The following CILK1 variants were observed in gnomAD, a reference collection of about 807,000 sequenced individuals.
CILK1 encodes the protein ciliogenesis associated kinase 1.
A neutral mutation model predicts 79.2 loss-of-function variants in CILK1; 47 were observed. The ratio of observed to expected loss-of-function variants is 0.59; its 90% CI spans 0.47 to 0.76. CILK1 has a LOEUF of 0.76. Ranked by LOEUF, CILK1 falls within the 30% of genes least tolerant of loss-of-function variation. The pLI, the probability that CILK1 is intolerant of heterozygous loss-of-function variation, is 0.00. For missense variants in CILK1, 660 were observed against 769.5 expected, an observed-to-expected ratio of 0.86 and a Z score of 1.68; for synonymous variants, 266 against 275.9, an observed-to-expected ratio of 0.96 and a Z score of 0.36.
intron 1 of CILK1, among the ~76,000 whole-genome samples, chr6:53,046,486 A>T (rs1367364870): frequency 2.6e-5 from 4 of 152,354 alleles, no homozygotes; most frequent in Non-Finnish European, 5.9e-5. Context: ...TGGGTCATTC[A>T]TTCAATGCAC....
At chr6:53,044,429 T>C (rs1050581262) in intron 1 of CILK1, among the ~76,000 whole-genome samples, 3 of 152,184 alleles carry the variant, frequency 2.0e-5, no homozygotes, top group African/African-American at 7.2e-5. Context: ...TGTGTTAAAG[T>C]TATTGTAGTT....
chr6:53,041,471 G>C, intron 1 of CILK1, 63 bp from the exon 2 acceptor site: 1 of 486,038 alleles, frequency 2.1e-6, no homozygotes. Flanking sequence ...ACGTGTTTTT[G>C]TAAGTCTAAA....
chr6:53,022,719 C>T lies in CILK1; in HGVS notation c.359-3360G>A, dbSNP rs75408321. On this transcript the variant is annotated intron_variant, in intron 5 of 13. Transcript: ENST00000676107. The stretch of plus-strand genomic sequence containing the variant: ...ATCCTCCAACACCTGTTTTGAGTTT[C>T]GCTTCTTCCATTATGCCATTCTAAC... Among the ~76,000 whole-genome samples the T allele has an allele frequency of 1.1e-3, 165 of 152,334 alleles. 4 individuals carry two copies. The East Asian group carries it at 0.02, about 19-fold the overall frequency.
chr6:53,025,072 A>G (rs945259069), intron 5 of CILK1, among the ~76,000 whole-genome samples: 4 of 151,972 alleles, frequency 2.6e-5, no homozygotes, highest in Non-Finnish European at 5.9e-5. Flanking sequence ...GCCTCAAGTG[A>G]TTCACCCGTC....
chr6:53,009,241 G>A (rs1328591101), intron 12 of CILK1, among the ~76,000 whole-genome samples, 198 bp downstream of exon 12: 1 of 152,238 alleles, frequency 6.6e-6, no homozygotes, highest in Non-Finnish European at 1.5e-5. Context: ...CTGGAAGGCA[G>A]ACTCCCCTGG....
At chr6:53,018,646 C>T in intron 6 of CILK1, 145 bp from the exon 7 acceptor site, 1 of 796,028 alleles carries the variant, frequency 1.3e-6, no homozygotes, top group East Asian at 2.7e-5. Context: ...GAGAACTTGG[C>T]AACTGCCGTG....
intron 1 of CILK1, among the ~76,000 whole-genome samples, chr6:53,049,795 T>C (rs917162875): frequency 6.6e-6 from 1 of 152,200 alleles, no homozygotes; most frequent in Non-Finnish European, 1.5e-5. Context: ...TGTGTGATCA[T>C]GGCTCACTGC....
intron 8 of CILK1, among the ~76,000 whole-genome samples, chr6:53,015,425 C>T (rs1206200371): frequency 6.6e-6 from 1 of 152,180 alleles, no homozygotes; most frequent in South Asian, 2.1e-4. Context: ...TTCATACTTC[C>T]GGTCAGTTGG....
At chr6:53,032,878 C>T (rs187353594) in intron 3 of CILK1, among the ~76,000 whole-genome samples, 8 of 152,242 alleles carry the variant, frequency 5.3e-5, no homozygotes, top group South Asian at 2.1e-4. Flanking sequence ...GGTATGTATT[C>T]GACCAGTAAC....
chr6:53,020,682 C>T (rs140037790), intron 5 of CILK1, among the ~76,000 whole-genome samples: 1 of 152,138 alleles, frequency 6.6e-6, no homozygotes, highest in East Asian at 1.9e-4. Flanking sequence ...GTAAGAGATA[C>T]TCAATCTGTA....
chr6:53,040,893 A>G (rs73443359), intron 2 of CILK1, among the ~76,000 whole-genome samples: 36 of 152,302 alleles, frequency 2.4e-4, no homozygotes, highest in African/African-American at 8.4e-4. Flanking sequence ...CTACCTCACA[A>G]TAAGAGAAAA....
Position 53,004,129 on chromosome 6 carries a change from C to T in CILK1, c.*1020G>A, listed in dbSNP as rs1764081778. On this transcript the variant is annotated 3_prime_UTR_variant, in exon 14 of 14. Coordinates refer to ENST00000676107, the MANE Select transcript of CILK1 (RefSeq NM_014920.5). Reference sequence around the variant, plus strand: ...ACCTCTGCCATAACTCTTTCTGCTCCCCAAATTGTCCTGAGAATTTGGCTA... The same window carrying T: ...ACCTCTGCCATAACTCTTTCTGCTCTCCAAATTGTCCTGAGAATTTGGCTA... 1 of 152,628 alleles carries T rather than the reference C, an allele frequency of 6.6e-6. No individual in the cohort carries two copies. The highest frequency in any genetic ancestry group is 6.5e-5 in the Admixed American group (1 of 15,286). 9.5% of individuals were successfully genotyped at this position (152,628 alleles called of 1,614,324 possible).
chr6:53,017,360 A>G (rs954921942), intron 7 of CILK1, among the ~76,000 whole-genome samples: 2 of 152,208 alleles, frequency 1.3e-5, no homozygotes, highest in Non-Finnish European at 2.9e-5. Context: ...ACAGCTGAAG[A>G]TGGGGAGGAG....
intron 1 of CILK1, among the ~76,000 whole-genome samples, chr6:53,051,228 A>G (rs1767461171): frequency 6.6e-6 from 1 of 152,258 alleles, no homozygotes; most frequent in South Asian, 2.1e-4. Flanking sequence ...AGGACATGTC[A>G]CTTATCCATA....
At chr6:53,048,775 C>T (rs188198516) in intron 1 of CILK1, among the ~76,000 whole-genome samples, 2 of 152,318 alleles carry the variant, frequency 1.3e-5, no homozygotes, top group East Asian at 3.9e-4. Flanking sequence ...TACTCAGGCA[C>T]AGCAGCCACC....
intron 1 of CILK1, among the ~76,000 whole-genome samples, chr6:53,057,308 TA>T (rs574335098): frequency 6.6e-6 from 1 of 152,174 alleles, no homozygotes; most frequent in African/African-American, 2.4e-5. Context: ...TGATCTCTCC[TA>T]AAAAAACGTG....
At chr6:53,023,841 C>T (rs1581707574) in intron 5 of CILK1, among the ~76,000 whole-genome samples, 1 of 152,028 alleles carries the variant, frequency 6.6e-6, no homozygotes. Context: ...GGCATAATGG[C>T]GGATCTGTAG....
chr6:53,009,646 G>C, intron 11 of CILK1, 79 bp from the exon 12 acceptor site: 1 of 1,270,884 alleles, frequency 7.9e-7, no homozygotes, highest in Non-Finnish European at 1.1e-6. Flanking sequence ...AATTAATGCA[G>C]AACTCAATTT....
At chr6:53,018,237 G>T in intron 7 of CILK1, 93 bp downstream of exon 7, 1 of 1,203,154 alleles carries the variant, frequency 8.3e-7, no homozygotes, top group Non-Finnish European at 1.2e-6. Context: ...GAATGGGCAG[G>T]TGCTCAATCA....
Sources: allele counts gnomAD v4.1 joint callset (sites outside exome capture counted in the v4.1 genomes callset), GRCh38; gene constraint gnomAD v4.1.1; transcripts MANE v1.5; gene names NCBI Gene and HGNC (gene_info 2026-07-23, HGNC 2026-07-21).